Variants in ITPR1 observed in about 807,000 individuals in gnomAD.
ITPR1 encodes inositol 1,4,5-trisphosphate-gated calcium channel ITPR1.
A neutral mutation model predicts 318.4 loss-of-function variants in ITPR1; 96 were observed. The ratio of observed to expected loss-of-function variants is 0.30; its 90% CI spans 0.26 to 0.36. The LOEUF is 0.36. ITPR1 is among the 10% of genes least tolerant of loss of function. ITPR1 has a pLI of 1.00. For synonymous variants in ITPR1, 1,312 were observed against 1,289.9 expected (o/e 1.02, Z -0.37); for missense variants, 2,440 against 3,460.2 (o/e 0.71, Z 7.40).
chr3:4,495,961 A>T (rs2080527930), intron 2 of ITPR1, among the ~76,000 whole-genome samples: 2 of 152,330 alleles, frequency 1.3e-5, no homozygotes, highest in South Asian at 2.1e-4. Context: ...GAAGGAAAGG[A>T]TGTAGCCACA....
At chr3:4,686,141 G>A (rs1306730675) in intron 30 of ITPR1, among the ~76,000 whole-genome samples, 1 of 152,192 alleles carries the variant, frequency 6.6e-6, no homozygotes, top group East Asian at 1.9e-4. Context: ...GCTGCAGCGG[G>A]AGAGGTTCAG....
chr3:4,684,192 T>A, intron 28 of ITPR1, 89 bp from the exon 29 acceptor site: 2 of 842,364 alleles, frequency 2.4e-6, no homozygotes, highest in East Asian at 5.2e-5. Context: ...AGAACTCCCT[T>A]TCTTTCCTAA....
At chr3:4,756,085 C>T (rs1169671543) in intron 44 of ITPR1, among the ~76,000 whole-genome samples, 2 of 152,084 alleles carry the variant, frequency 1.3e-5, no homozygotes, top group East Asian at 3.9e-4. Flanking sequence ...TTCTGAATGC[C>T]CATTGTACTC....
At chr3:4,803,148 T>A in intron 54 of ITPR1, among the ~76,000 whole-genome samples, 1 of 152,164 alleles carries the variant, frequency 6.6e-6, no homozygotes, top group Non-Finnish European at 1.5e-5. Flanking sequence ...GGGGAGGCGC[T>A]ACACGCTTTT....
rs2094432870 is a variant in ITPR1, at chr3:4,688,498, G to A, written c.3706G>A (p.Glu1236Lys). The change falls in exon 31 of 62, where the codon GAA becomes AAA. Residue 1236 changes from glutamate to lysine, a missense_variant. Physicochemically the swap from Glu to Lys is moderately conservative, Grantham distance 56 (BLOSUM62 1). This residue lies in a region of ITPR1 where 222 missense variants were observed against 318.8 expected (regional missense o/e 0.70). Coordinates refer to ENST00000649015, the MANE Select transcript of ITPR1 (RefSeq NM_001378452.1). ...TCATCTGTCTCCTCCCACACAGGCCGAAGATACCAAGATGCAAGAGATAAT... is the reference window on the plus strand; with the variant it reads ...TCATCTGTCTCCTCCCACACAGGCCAAAGATACCAAGATGCAAGAGATAAT... Reference protein sequence around the residue: ...ELLQIPYEKAEDTKMQEIMRL... With the variant: ...ELLQIPYEKAKDTKMQEIMRL... The A allele has an allele frequency of 7.4e-6, 12 of 1,613,912 alleles. No homozygotes were observed. Among genetic ancestry groups the A allele is most frequent in the Non-Finnish European group, 9.3e-6 (11 of 1,179,814 alleles).
chr3:4,732,352 T>C lies in ITPR1; in HGVS notation c.5221-736T>C, dbSNP rs143555139. Among the ~76,000 whole-genome samples the C allele has an allele frequency of 4.9e-3, 749 of 152,328 alleles. 5 individuals are homozygous for C. Among genetic ancestry groups the C allele is most frequent in the Non-Finnish European group, 8.8e-3 (599 of 68,030 alleles). On this transcript the variant is annotated intron_variant, in intron 42 of 61. Coordinates refer to ENST00000649015, the MANE Select transcript of ITPR1 (RefSeq NM_001378452.1). ...GTCAGAAAGGTTTTGAAACCCCTCA[T>C]TCATAACTCTGCTTCAACAGCAACT...
At chr3:4,517,356 G>A (rs1339082732) in intron 3 of ITPR1, among the ~76,000 whole-genome samples, 2 of 152,088 alleles carry the variant, frequency 1.3e-5, no homozygotes, top group East Asian at 1.9e-4. Flanking sequence ...GCCCCGGGGC[G>A]GCATTGTTGA....
At chr3:4,669,308 C>G (rs545172711) in intron 18 of ITPR1, among the ~76,000 whole-genome samples, 1 of 152,238 alleles carries the variant, frequency 6.6e-6, no homozygotes, top group African/African-American at 2.4e-5. Context: ...TTCCAACACA[C>G]GTAGCCAAAC....
chr3:4,824,194 A>C (rs1338840696), intron 60 of ITPR1, among the ~76,000 whole-genome samples: 1 of 152,138 alleles, frequency 6.6e-6, no homozygotes, highest in Non-Finnish European at 1.5e-5. Flanking sequence ...TTTCTGGAGG[A>C]GCAGTCTGTG....
At chr3:4,577,328 CT>C (rs1252013460) in intron 4 of ITPR1, among the ~76,000 whole-genome samples, 2 of 152,168 alleles carry the variant, frequency 1.3e-5, no homozygotes, top group Non-Finnish European at 2.9e-5. Context: ...GCTTTTTAAA[CT>C]TTAATTTGCA....
chr3:4,512,367 T>C (rs304045), intron 2 of ITPR1, among the ~76,000 whole-genome samples: 55,879 of 151,960 alleles, frequency 0.37, 10,450 homozygotes, highest in Admixed American at 0.42. Context: ...CATTATTGGG[T>C]GGGAGGTGGA....
intron 20 of ITPR1, among the ~76,000 whole-genome samples, chr3:4,672,434 G>C (rs1426670610): frequency 5.9e-5 from 9 of 152,228 alleles, no homozygotes; most frequent in Non-Finnish European, 4.4e-5. Context: ...AATACATAGA[G>C]TTTTTAATTC....
chr3:4,654,537 T>C (rs770388136), intron 12 of ITPR1, among the ~76,000 whole-genome samples: 22 of 152,224 alleles, frequency 1.4e-4, no homozygotes, highest in Non-Finnish European at 2.8e-4. Flanking sequence ...GCGGTTGTGT[T>C]ACATGGAAAG....
chr3:4,753,715 G>A (rs1226624410), intron 44 of ITPR1, among the ~76,000 whole-genome samples: 1 of 152,168 alleles, frequency 6.6e-6, no homozygotes, highest in Non-Finnish European at 1.5e-5. Context: ...CATCCGGCCT[G>A]AGTGGATTTA....
intron 42 of ITPR1, among the ~76,000 whole-genome samples, chr3:4,730,177 C>T (rs975397473): frequency 2.1e-5 from 3 of 144,638 alleles, no homozygotes; most frequent in African/African-American, 7.7e-5. Context: ...CTATAATTCT[C>T]AGTCTTTATT....
intron 4 of ITPR1, among the ~76,000 whole-genome samples, chr3:4,539,357 A>G (rs114123571): frequency 0.012 from 1,835 of 152,266 alleles, 35 homozygotes; most frequent in African/African-American, 0.041. Context: ...ATCAAATTTT[A>G]TGCATGTTCT....
intron 4 of ITPR1, among the ~76,000 whole-genome samples, chr3:4,546,386 CA>C (rs1247972501): frequency 6.6e-6 from 1 of 152,088 alleles, no homozygotes; most frequent in Admixed American, 6.6e-5. Flanking sequence ...ACCCATTTTC[CA>C]GCCAAAAGAG....
Position 4,521,024 on chromosome 3 carries a change from C to A in ITPR1, c.93C>A (p.Gly31=). 6.2e-7 allele frequency: 1 copy of A among 1,611,314 alleles called. No individual in the cohort carries two copies. The highest frequency in any genetic ancestry group is 8.5e-7 in the Non-Finnish European group (1 of 1,177,520). ...GAGCATTTATCTGTCTTCTTTACAG[C>A]CTGGTTGATGATCGTTGTGTTGTAC... ...GSTNGFISTL[G]LVDDRCVVQP... The change falls in exon 4 of 62, where the codon GGC becomes GGA. Residue 31 remains glycine, a splice_region_variant and synonymous_variant. Coordinates refer to ENST00000649015, the MANE Select transcript of ITPR1 (RefSeq NM_001378452.1).
intron 43 of ITPR1, among the ~76,000 whole-genome samples, chr3:4,734,696 G>GTTGAATGA (rs2043155594): frequency 2.6e-5 from 4 of 152,214 alleles, no homozygotes; most frequent in African/African-American, 9.6e-5. Context: ...TGAATAAACA[G>GTTGAATGA]ATAAATTATG....
Sources: gnomAD v4.1 joint callset for allele counts (sites outside exome capture counted in the v4.1 genomes callset) on GRCh38, gnomAD v4.1.1 for gene constraint, gnomAD v4.1.1 regional missense constraint, MANE v1.5 for transcripts, NCBI Gene and HGNC (gene_info 2026-07-23, HGNC 2026-07-21) for gene names.